STAP1: variants seen among roughly 807,000 people sequenced by gnomAD.
STAP1 encodes the protein signal-transducing adaptor protein 1.
STAP1 carries 30 observed loss-of-function variants against 37.8 expected under a neutral mutation model. The observed-to-expected ratio is 0.79, with a 90% confidence interval of 0.59 to 1.08. The LOEUF is 1.08. Among genes scored for constraint, STAP1 ranks in the 50% least tolerant of loss-of-function variants. The pLI is 0.00. For synonymous variants in STAP1, 130 were observed against 116.0 expected, an observed-to-expected ratio of 1.12 and a Z score of -0.78; for missense variants, 357 against 349.4, an observed-to-expected ratio of 1.02 and a Z score of -0.17.
intron 4 of STAP1, among the ~76,000 whole-genome samples, chr4:67,579,832 C>T (rs1727810903): frequency 6.6e-6 from 1 of 152,126 alleles, no homozygotes; most frequent in South Asian, 2.1e-4. Flanking sequence ...GAACACATAT[C>T]CAAACTATGT....
At chr4:67,582,306 T>A (rs1207499846) in intron 5 of STAP1, among the ~76,000 whole-genome samples, 1 of 131,912 alleles carries the variant, frequency 7.6e-6, no homozygotes, top group Non-Finnish European at 1.7e-5. Context: ...TTTTAGTTTT[T>A]TTTTTGTTTT....
chr4:67,574,002 T>G (rs1727664213), intron 2 of STAP1, among the ~76,000 whole-genome samples: 1 of 152,156 alleles, frequency 6.6e-6, no homozygotes, highest in South Asian at 2.1e-4. Flanking sequence ...GACCAATTTC[T>G]CAGAAGAAAT....
At chr4:67,571,209 T>C in intron 2 of STAP1, 54 bp downstream of exon 2, 1 of 1,205,744 alleles carries the variant, frequency 8.3e-7, no homozygotes, top group Non-Finnish European at 1.2e-6. Context: ...CCTTGTCACA[T>C]AGCATATTAT....
intron 8 of STAP1, among the ~76,000 whole-genome samples, chr4:67,602,715 C>G (rs1728369798): frequency 6.6e-6 from 1 of 152,118 alleles, no homozygotes; most frequent in Non-Finnish European, 1.5e-5. Flanking sequence ...GGAGTCTCTC[C>G]CCACCTCCTC....
In STAP1 at chr4:67,577,190, T is replaced by C. The variant is rs780904509; in HGVS notation, c.307-13T>C. ...CCTTCTTTGGCTTTATCTGTTTTTG[T>C]CTTCAACTTTAGACAGAGAACACAG... is the stretch of plus-strand genomic sequence containing the variant. On this transcript the variant is annotated splice_polypyrimidine_tract_variant and intron_variant, in intron 3 of 8. Transcript: ENST00000265404. 6.2e-7 allele frequency: 1 copy of C among 1,604,064 alleles called. No homozygotes were observed. Among genetic ancestry groups the C allele is most frequent in the East Asian group, 2.2e-5 (1 of 44,724 alleles).
intron 3 of STAP1, among the ~76,000 whole-genome samples, chr4:67,576,260 T>C (rs565831973): frequency 1.1e-3 from 167 of 152,308 alleles, no homozygotes; most frequent in African/African-American, 3.7e-3. Flanking sequence ...CTTACCCTGC[T>C]GTACCTTTAA....
intron 1 of STAP1, among the ~76,000 whole-genome samples, chr4:67,567,288 A>G (rs1727492136): frequency 1.3e-5 from 2 of 152,096 alleles, no homozygotes; most frequent in African/African-American, 4.8e-5. Context: ...GCCCTTTTGA[A>G]TTGTTCTTTT....
In STAP1 at chr4:67,575,481, G is replaced by T. The variant is rs568356060; in HGVS notation, c.289G>T (p.Glu97Ter). The T allele has an allele frequency of 1.9e-6, 3 of 1,610,470 alleles. No individual in the cohort carries two copies. In the African/African-American group the frequency reaches 4.0e-5, roughly 22 times the overall value. Residue 97 changes from glutamate (E) to a stop codon, truncating the protein, a stop_gained, in exon 3 of 9, where the codon GAG (glutamate) becomes TAG (stop). Coordinates refer to ENST00000265404, the MANE Select transcript of STAP1 (RefSeq NM_012108.4). LOFTEE classifies it high-confidence loss of function. ...GAAATTCACCCTTGTTTTGCCGAAA[G>T]AGGAAGTACAACTGAAGGTGAGCGA... ...CAKFTLVLPK[E>*]EVQLKTENTE...
rs373418686 is a variant in STAP1 at position 67,581,413 on chromosome 4, G to A, written c.472G>A (p.Val158Met). The change falls in exon 5 of 9, where the codon GTG (valine) becomes ATG (methionine). Residue 158 changes from valine (V) to methionine (M), a missense_variant. By Grantham distance (21) the Val-to-Met change is conservative (BLOSUM62 1). Transcript: ENST00000265404. ...RRIETEQSTS[V>M]EKEKEPTEDY... ...GATTGAGACAGAGCAGAGTACGTCC[G>A]TGGAAAAAGAGAAGGAACCAACTGA... 1.4e-5 allele frequency: 22 copies of A among 1,613,584 alleles called. No homozygotes were observed. Among genetic ancestry groups the A allele is most frequent in the African/African-American group, 8.0e-5 (6 of 74,904 alleles).
intron 2 of STAP1, among the ~76,000 whole-genome samples, chr4:67,571,359 G>A (rs1168592748): frequency 1.3e-5 from 2 of 152,164 alleles, no homozygotes; most frequent in African/African-American, 4.8e-5. Context: ...AGAAGATATT[G>A]ACTCATGTTT....
intron 8 of STAP1, among the ~76,000 whole-genome samples, chr4:67,595,632 T>C (rs1197170986): frequency 1.3e-5 from 2 of 152,250 alleles, no homozygotes; most frequent in Non-Finnish European, 2.9e-5. Flanking sequence ...TTTCCAATGA[T>C]ATATGTTCCT....
chr4:67,592,156 G>C (rs35798615), intron 7 of STAP1, among the ~76,000 whole-genome samples: 5 of 151,126 alleles, frequency 3.3e-5, no homozygotes, highest in Non-Finnish European at 7.4e-5. Flanking sequence ...GGGTCTTGCT[G>C]TGTTGCCCAG....
At chr4:67,559,933 A>G (rs1456842234) in intron 1 of STAP1, among the ~76,000 whole-genome samples, 1 of 152,174 alleles carries the variant, frequency 6.6e-6, no homozygotes, top group African/African-American at 2.4e-5. Context: ...GTATTCTGTT[A>G]TGGATGTTAA....
chr4:67,594,160 T>G (rs536223042), intron 8 of STAP1, among the ~76,000 whole-genome samples: 1 of 152,308 alleles, frequency 6.6e-6, no homozygotes, highest in Non-Finnish European at 1.5e-5. Context: ...CTCCAGCTTG[T>G]GTGGATTTTA....
chr4:67,581,542 A>T, intron 5 of STAP1, 71 bp downstream of exon 5: 1 of 1,510,142 alleles, frequency 6.6e-7, no homozygotes, highest in Non-Finnish European at 8.9e-7. Context: ...AAGGAGAGTT[A>T]GTCACTTGCT....
intron 4 of STAP1, among the ~76,000 whole-genome samples, chr4:67,578,789 C>T (rs1161774218): frequency 6.6e-6 from 1 of 151,460 alleles, no homozygotes; most frequent in East Asian, 1.9e-4. Context: ...TTAAAATACA[C>T]ACATAAATAA....
intron 8 of STAP1, among the ~76,000 whole-genome samples, chr4:67,596,797 T>C (rs1728235883): frequency 6.6e-6 from 1 of 152,222 alleles, no homozygotes; most frequent in Non-Finnish European, 1.5e-5. Context: ...AGATGTGACC[T>C]GGCTTTTTCT....
rs1237302324 is a variant in STAP1, at chr4:67,607,243, G to A, written c.*886G>A. 1 of 152,186 alleles carries A rather than the reference G, an allele frequency of 6.6e-6. No individual in the cohort carries two copies. Among genetic ancestry groups the A allele is most frequent in the Non-Finnish European group, 1.5e-5 (1 of 68,058 alleles). 9.4% of individuals were successfully genotyped at this position (152,186 alleles called of 1,614,324 possible). A position where few individuals can be genotyped will look rare whatever the true frequency, so the allele number is the denominator to read the frequency against. ...GAGAAAACAGCCATTGACAACTCAAGGAGAGAGGCCTCGGGGGGAAAAAAA... is the reference window on the plus strand; with the variant it reads ...GAGAAAACAGCCATTGACAACTCAAAGAGAGAGGCCTCGGGGGGAAAAAAA... On this transcript the variant is annotated 3_prime_UTR_variant, in exon 9 of 9. Coordinates refer to ENST00000265404, the MANE Select transcript of STAP1 (RefSeq NM_012108.4).
intron 1 of STAP1, among the ~76,000 whole-genome samples, chr4:67,567,983 C>A (rs1269371929): frequency 6.6e-6 from 1 of 152,168 alleles, no homozygotes; most frequent in Non-Finnish European, 1.5e-5. Flanking sequence ...ATGGGAGAAG[C>A]TAACTCATAT....
Sources: gnomAD v4.1 joint callset for allele counts (sites outside exome capture counted in the v4.1 genomes callset) on GRCh38, gnomAD v4.1.1 for gene constraint, MANE v1.5 for transcripts, NCBI Gene and HGNC (gene_info 2026-07-23, HGNC 2026-07-21) for gene names.